FBXO41: variants seen among roughly 807,000 people sequenced by gnomAD.
The protein encoded by FBXO41 is F-box protein 41, also known as F-box only protein 41.
A neutral mutation model predicts 81.6 loss-of-function variants in FBXO41; 33 were observed. That is an observed-to-expected ratio of 0.40 (90% CI 0.31 to 0.54). FBXO41 has a LOEUF of 0.54. FBXO41 is among the 20% of genes least tolerant of loss of function. FBXO41 has a pLI of 0.39. For missense variants in FBXO41, 1,107 were observed against 1,236.0 expected, an observed-to-expected ratio of 0.90 and a Z score of 1.56; for synonymous variants, 576 against 552.7, an observed-to-expected ratio of 1.04 and a Z score of -0.59.
Position 73,269,475 on chromosome 2 carries a change from G to T in FBXO41, c.156C>A (p.Ala52=). The part of the protein sequence containing the change: ...SKTNSICDGA[A]AAAAAAAAAS... ...CAGCGGCGGCGGCGGCCGCGGCGGC[G>T]GCGGCGCCGTCGCAGATGCTGTTGG... Residue 52 remains alanine (A), a synonymous_variant, in exon 2 of 13, where the codon GCC becomes GCA. Coordinates refer to ENST00000520530, the MANE Select transcript of FBXO41 (RefSeq NM_001371389.2). The surrounding 1 kb of genome is among the most constrained non-coding windows in gnomAD (Gnocchi z 7.0). 1 of 1,282,172 alleles carries T rather than the reference G, an allele frequency of 7.8e-7. No homozygotes were observed. The highest frequency in any genetic ancestry group is 9.9e-7 in the Non-Finnish European group (1 of 1,011,396). The allele number at this position is 1,282,172 out of a possible 1,614,324, so 79.4% of individuals were successfully genotyped here.
chr2:73,279,947 A>G (rs1468647445), intron 1 of FBXO41, among the ~76,000 whole-genome samples: 2 of 152,194 alleles, frequency 1.3e-5, no homozygotes, highest in African/African-American at 4.8e-5. Flanking sequence ...GCCAGTAGAC[A>G]GGGAGAGGAT....
intron 9 of FBXO41, among the ~76,000 whole-genome samples, chr2:73,261,839 A>G (rs111304174): frequency 4.6e-5 from 7 of 152,314 alleles, no homozygotes; most frequent in African/African-American, 1.4e-4. Flanking sequence ...TCTATTATGC[A>G]TTTGGTACTA....
chr2:73,265,629 C>A lies in FBXO41; in HGVS notation c.1217G>T (p.Arg406Leu). The change falls in exon 5 of 13, where the codon CGT becomes CTT. Residue 406 changes from arginine (R) to leucine (L), a missense_variant. By Grantham distance (102) the Arg-to-Leu change is moderately radical. Coordinates refer to ENST00000520530, the MANE Select transcript of FBXO41 (RefSeq NM_001371389.2). Reference protein sequence around the residue: ...GSSPSTGASSRVPAASQSSGC... With the variant: ...GSSPSTGASSLVPAASQSSGC... ...TGAGCTCTGGGATGCGGCTGGCACA[C>A]GGCTGGAGGCCCTGGGGCAGGGTGG... The A allele has an allele frequency of 6.6e-7, 1 of 1,513,142 alleles. No individual in the cohort carries two copies. The highest frequency in any genetic ancestry group is 8.8e-7 in the Non-Finnish European group (1 of 1,131,418). 93.7% of individuals were successfully genotyped at this position (1,513,142 alleles called of 1,614,324 possible).
Position 73,269,398 on chromosome 2 carries a change from CCGGGCACGGCCAGCAGGGCGG to C in FBXO41, c.212_232del (p.Ala71_Pro77del), listed in dbSNP as rs1197048732. ...GCTCTCGAAGACCTCTCGCCGGGCG[CCGGGCACGGCCAGCAGGGCGG>C]CGGGCTCGGGAGCCAGCGGGAACCC... On this transcript the variant is annotated inframe_deletion, in exon 2 of 13. Coordinates refer to ENST00000520530, the MANE Select transcript of FBXO41 (RefSeq NM_001371389.2). This position sits in a 1 kb window ranked among gnomAD's most constrained non-coding sequence, Gnocchi z 7.0. 5.5e-6 allele frequency: 8 copies of C among 1,461,424 alleles called. No homozygotes were observed. Among genetic ancestry groups the C allele is most frequent in the Admixed American group, 5.1e-5 (2 of 39,170 alleles). The allele number at this position is 1,461,424 out of a possible 1,614,324, so 90.5% of individuals were successfully genotyped here.
rs1169099951 is a variant in FBXO41 at position 73,264,015 on chromosome 2, G to A, written c.1845C>T (p.His615=). The A allele has an allele frequency of 3.7e-6, 6 of 1,601,712 alleles. No homozygotes were observed. In the South Asian group the frequency reaches 6.7e-5, roughly 18 times the overall value. ...AMLAQWCTQA[H]SLTLQNLKPR... ...GCTTCAAGTTCTGCAGCGTCAGAGA[G>A]TGGGCCTGGGTGCACCACTGAGCCA... is the stretch of plus-strand genomic sequence containing the variant. The change falls in exon 7 of 13, where the codon CAC becomes CAT. Residue 615 remains histidine, a synonymous_variant. Transcript: ENST00000520530.
chr2:73,273,340 G>T (rs192317264), intron 1 of FBXO41, among the ~76,000 whole-genome samples: 1 of 126,298 alleles, frequency 7.9e-6, no homozygotes, highest in Non-Finnish European at 1.8e-5. Flanking sequence ...AGTAAAGGGG[G>T]TCTGTGTCGA....
At chr2:73,278,635 C>A (rs904703546) in intron 1 of FBXO41, among the ~76,000 whole-genome samples, 2 of 152,170 alleles carry the variant, frequency 1.3e-5, no homozygotes, top group African/African-American at 4.8e-5. Flanking sequence ...GAGGCAGGCA[C>A]GGGATTCTAC....
At chr2:73,273,205 GGA>G (rs1455157474) in intron 1 of FBXO41, 2 of 152,182 alleles carry the variant, frequency 1.3e-5, no homozygotes, top group Non-Finnish European at 2.9e-5. Flanking sequence ...GTTGAATTGG[GGA>G]TAGATGTGGT....
chr2:73,265,211 G>T, intron 5 of FBXO41, 71 bp downstream of exon 5: 3 of 1,396,226 alleles, frequency 2.1e-6, no homozygotes, highest in East Asian at 2.4e-5. Flanking sequence ...GGAAAGGGGA[G>T]GGGGGTGCAG....
chr2:73,283,105 C>G (rs1436783276), intron 1 of FBXO41, among the ~76,000 whole-genome samples: 1 of 152,240 alleles, frequency 6.6e-6, no homozygotes, highest in African/African-American at 2.4e-5. Context: ...TAGGAGGCAT[C>G]TGCCAGCAGG....
intron 1 of FBXO41, among the ~76,000 whole-genome samples, chr2:73,274,006 A>G (rs570462376): frequency 6.6e-6 from 1 of 152,034 alleles, no homozygotes; most frequent in South Asian, 2.1e-4. Context: ...TTTCAACCCA[A>G]CTGTTCTTTT....
chr2:73,271,621 A>ACCCCC (rs1688492618), intron 1 of FBXO41: 4 of 101,820 alleles, frequency 3.9e-5, no homozygotes, highest in Admixed American at 1.1e-4. Flanking sequence ...TCAATTCTGC[A>ACCCCC]CTCCCCCCCC....
At chr2:73,263,879 A>G (rs769933751) in intron 7 of FBXO41, 49 bp from the exon 8 acceptor site, 37 of 1,613,902 alleles carry the variant, frequency 2.3e-5, no homozygotes, top group Non-Finnish European at 2.8e-5. Flanking sequence ...TCCTCTGGGA[A>G]ACTTAATTCC....
chr2:73,264,661 C>T (rs1374454809), intron 5 of FBXO41, 142 bp from the exon 6 acceptor site: 1 of 1,229,162 alleles, frequency 8.1e-7, no homozygotes, highest in Non-Finnish European at 1.1e-6. Flanking sequence ...GGAAAAGGGG[C>T]CTCTGCCTCC....
intron 9 of FBXO41, among the ~76,000 whole-genome samples, chr2:73,262,232 A>G (rs1380288520): frequency 9.9e-6 from 1 of 100,972 alleles, no homozygotes; most frequent in East Asian, 2.3e-4. Flanking sequence ...CAAAAACTAA[A>G]TAAAAAAAAA....
rs1488403619 is a variant in FBXO41 at position 73,259,232 on chromosome 2, G to T, written c.2514C>A (p.Pro838=). The change falls in exon 12 of 13, where the codon CCC becomes CCA. Residue 838 remains proline (P), a synonymous_variant. Transcript: ENST00000520530. The surrounding 1 kb of genome is among the most constrained non-coding windows in gnomAD (Gnocchi z 4.2). The stretch of plus-strand genomic sequence containing the variant: ...ACAGCTTCTGGGCCTCAGGGCTGCT[G>T]GGCTCTTTGAAATAATCCGCAATCC... ...QIGIADYFKE[P]SSPEAQKLFE... The T allele has an allele frequency of 1.9e-6, 3 of 1,613,900 alleles. No individual in the cohort carries two copies. In the African/African-American group the frequency reaches 4.0e-5, roughly 22 times the overall value.
At chr2:73,276,258 A>G (rs1333762881) in intron 1 of FBXO41, among the ~76,000 whole-genome samples, 1 of 151,314 alleles carries the variant, frequency 6.6e-6, no homozygotes, top group African/African-American at 2.4e-5. Context: ...AAAAATACAA[A>G]AATTAGACGG....
At position 73,260,439 on chromosome 2, in the gene FBXO41, A is replaced by G; in HGVS notation, c.2399T>C (p.Leu800Pro). The change falls in exon 11 of 13, where the codon CTG becomes CCG. Residue 800 changes from leucine to proline, a missense_variant. By Grantham distance (98) the Leu-to-Pro change is moderately conservative. Coordinates refer to ENST00000520530, the MANE Select transcript of FBXO41 (RefSeq NM_001371389.2). The surrounding 1 kb of genome is among the most constrained non-coding windows in gnomAD (Gnocchi z 5.0). ...GGTGACGGGAGTCGCCGTGAGCACC[A>G]GCATCTCCAGTCCCTTCAGGCCTTC... ...CREGLKGLEM[L>P]VLTATPVTPK... 1 of 1,610,398 alleles carries G rather than the reference A, an allele frequency of 6.2e-7. No homozygotes were observed. The highest frequency in any genetic ancestry group is 8.5e-7 in the Non-Finnish European group (1 of 1,178,454).
chr2:73,259,241 G>A lies in FBXO41; in HGVS notation c.2505C>T (p.Phe835=). The change falls in exon 12 of 13, where the codon TTC becomes TTT. Residue 835 remains phenylalanine (F), a synonymous_variant. Transcript: ENST00000520530. This position sits in a 1 kb window ranked among gnomAD's most constrained non-coding sequence, Gnocchi z 4.2. ...IVVQIGIADY[F]KEPSSPEAQK... ...GGGCCTCAGGGCTGCTGGGCTCTTT[G>A]AAATAATCCGCAATCCCAATCTGGA... is the stretch of plus-strand genomic sequence containing the variant. 6.2e-7 allele frequency: 1 copy of A among 1,614,040 alleles called. No individual in the cohort carries two copies. The highest frequency in any genetic ancestry group is 8.5e-7 in the Non-Finnish European group (1 of 1,179,898).
Sources: allele counts gnomAD v4.1 joint callset (sites outside exome capture counted in the v4.1 genomes callset), GRCh38; gene constraint gnomAD v4.1.1; non-coding constraint Gnocchi (gnomAD v3.1); transcripts MANE v1.5; gene names NCBI Gene and HGNC (gene_info 2026-07-23, HGNC 2026-07-21).